DCC: variants seen among roughly 807,000 people sequenced by gnomAD.
DCC encodes the protein DCC netrin 1 receptor.
In DCC, 58 loss-of-function variants were observed where a neutral mutation model predicts 172.5. The ratio of observed to expected loss-of-function variants is 0.34; its 90% CI spans 0.27 to 0.42. The LOEUF (loss-of-function observed/expected upper bound fraction) is 0.42, where lower values mean the gene tolerates loss of function less well. Among genes scored for constraint, DCC ranks in the 10% least tolerant of loss-of-function variants. The pLI, the probability that DCC is intolerant of heterozygous loss-of-function variation, is 1.00. For synonymous variants in DCC, 709 were observed against 644.5 expected (o/e 1.10, Z -1.52); for missense variants, 1,740 against 1,791.0 (o/e 0.97, Z 0.51).
intron 3 of DCC, among the ~76,000 whole-genome samples, chr18:52,911,078 ACTAAT>A (rs1316985246): frequency 6.6e-6 from 1 of 152,130 alleles, no homozygotes; most frequent in Non-Finnish European, 1.5e-5. Context: ...ACATTTCAAA[ACTAAT>A]CTATTTTCTA....
intron 1 of DCC, among the ~76,000 whole-genome samples, chr18:52,628,215 G>C (rs1038121727): frequency 6.6e-6 from 1 of 152,056 alleles, no homozygotes; most frequent in Non-Finnish European, 1.5e-5. Context: ...TCAAAGAGCA[G>C]AATCTTCAAA....
At chr18:52,745,179 C>T (rs539465988) in intron 1 of DCC, among the ~76,000 whole-genome samples, 4 of 152,240 alleles carry the variant, frequency 2.6e-5, no homozygotes, top group South Asian at 4.1e-4. Context: ...ATTAATAAAA[C>T]GTGTTGAAAT....
At chr18:52,529,109 CT>C (rs2032070783) in intron 1 of DCC, among the ~76,000 whole-genome samples, 2 of 152,140 alleles carry the variant, frequency 1.3e-5, no homozygotes, top group South Asian at 4.2e-4. Context: ...ATCTTTGTAC[CT>C]AGTTTTCTAA....
rs1299868904 is a variant in DCC, at chr18:53,534,516, A to G, written c.*3863A>G. The G allele has an allele frequency of 6.6e-6, 1 of 152,192 alleles. No individual in the cohort carries two copies. The highest frequency in any genetic ancestry group is 1.5e-5 in the Non-Finnish European group (1 of 68,022). The allele number at this position is 152,192 out of a possible 1,614,324, so 9.4% of individuals were successfully genotyped here. On this transcript the variant is annotated 3_prime_UTR_variant, in exon 29 of 29. Coordinates refer to ENST00000442544, the MANE Select transcript of DCC (RefSeq NM_005215.4). ...CTCTGTTTTTGTAAATCACATTCAAAGCAACATTTTACTCATAATTTGCAT... is the reference window on the plus strand; with the variant it reads ...CTCTGTTTTTGTAAATCACATTCAAGGCAACATTTTACTCATAATTTGCAT...
intron 7 of DCC, among the ~76,000 whole-genome samples, chr18:53,096,619 A>G (rs2043091617): frequency 6.6e-6 from 1 of 152,112 alleles, no homozygotes; most frequent in Admixed American, 6.6e-5. Flanking sequence ...ATCAAAATAA[A>G]TATAATGGAG....
In DCC at chr18:52,950,929, C is replaced by CAAAAAAAAAAAAA. The variant is rs755118442; in HGVS notation, c.985+25589_985+25601dup. Among the ~76,000 whole-genome samples the CAAAAAAAAAAAAA allele has an allele frequency of 8.2e-4, 47 of 57,422 alleles. 5 individuals are homozygous for CAAAAAAAAAAAAA. Among genetic ancestry groups the CAAAAAAAAAAAAA allele is most frequent in the Admixed American group, 1.8e-3 (6 of 3,312 alleles). The allele number at this position is 57,422 out of a possible 152,430, so 37.7% of individuals were successfully genotyped here. On this transcript the variant is annotated intron_variant, in intron 5 of 28. Coordinates refer to ENST00000442544, the MANE Select transcript of DCC (RefSeq NM_005215.4). ...TGGGCGACAGAGTGAGACTCCGTCT[C>CAAAAAAAAAAAAA]AAAAAAAAAAAAAAAAAAAAAAAAA... is the stretch of plus-strand genomic sequence containing the variant.
intron 3 of DCC, among the ~76,000 whole-genome samples, chr18:52,907,780 A>G (rs979241136): frequency 6.6e-6 from 1 of 152,158 alleles, no homozygotes; most frequent in Non-Finnish European, 1.5e-5. Flanking sequence ...TGTGCTAAGT[A>G]CTAGGAATCC....
At chr18:52,407,547 C>G in intron 1 of DCC, among the ~76,000 whole-genome samples, 1 of 151,796 alleles carries the variant, frequency 6.6e-6, no homozygotes, top group Non-Finnish European at 1.5e-5. Flanking sequence ...TAAAATTATT[C>G]TTTAATTGTT....
intron 5 of DCC, among the ~76,000 whole-genome samples, chr18:52,953,028 A>C (rs34661612): frequency 5.1e-4 from 73 of 143,842 alleles, no homozygotes; most frequent in African/African-American, 1.8e-3. Flanking sequence ...AAAAAAAAAA[A>C]CTCATAACAT....
intron 1 of DCC, among the ~76,000 whole-genome samples, chr18:52,671,110 A>G (rs548965549): frequency 6.6e-6 from 1 of 152,224 alleles, no homozygotes; most frequent in Non-Finnish European, 1.5e-5. Context: ...CCTGCTGGGG[A>G]GGCTTAACAT....
intron 12 of DCC, among the ~76,000 whole-genome samples, chr18:53,231,558 G>A (rs1401427473): frequency 6.6e-6 from 1 of 152,072 alleles, no homozygotes; most frequent in Non-Finnish European, 1.5e-5. Flanking sequence ...TAATGAGTTT[G>A]AGGAGGCTGT....
At chr18:52,980,686 A>G (rs1889647669) in intron 5 of DCC, among the ~76,000 whole-genome samples, 1 of 152,208 alleles carries the variant, frequency 6.6e-6, no homozygotes, top group African/African-American at 2.4e-5. Flanking sequence ...ATGAAAACTT[A>G]TATTTTCTTA....
chr18:52,540,948 C>G (rs1230083485), intron 1 of DCC, among the ~76,000 whole-genome samples: 1 of 152,010 alleles, frequency 6.6e-6, no homozygotes, highest in Non-Finnish European at 1.5e-5. Flanking sequence ...TCTGGGGCCT[C>G]AAACATGAGG....
chr18:52,342,385 G>A (rs1274693608), intron 1 of DCC, among the ~76,000 whole-genome samples: 1 of 141,662 alleles, frequency 7.1e-6, no homozygotes, highest in Non-Finnish European at 1.5e-5. Flanking sequence ...GTCCCTCCCG[G>A]GCCGGTCCCC....
intron 5 of DCC, among the ~76,000 whole-genome samples, chr18:52,957,480 A>G (rs148586801): frequency 0.014 from 2,061 of 152,272 alleles, 62 homozygotes; most frequent in African/African-American, 0.048. Context: ...GAGTGTTTTT[A>G]ACAAGTATTT....
intron 12 of DCC, among the ~76,000 whole-genome samples, chr18:53,248,449 C>T (rs2056390952): frequency 6.6e-6 from 1 of 152,046 alleles, no homozygotes. Context: ...CTTTCACTCT[C>T]TCCCACTGGA....
chr18:53,307,885 A>ATG (rs1458142538), intron 13 of DCC, among the ~76,000 whole-genome samples: 13 of 76,068 alleles, frequency 1.7e-4, no homozygotes, highest in Admixed American at 9.0e-4. Flanking sequence ...CTGGAAAGCA[A>ATG]TGTGTGTGTA....
chr18:53,343,167 G>A (rs908222717), intron 15 of DCC, among the ~76,000 whole-genome samples: 1 of 151,536 alleles, frequency 6.6e-6, no homozygotes, highest in Non-Finnish European at 1.5e-5. Flanking sequence ...ATTTCTTTCT[G>A]TTGCCTTATT....
chr18:53,264,476 C>CAAAA (rs935972832), intron 12 of DCC, among the ~76,000 whole-genome samples: 77 of 46,242 alleles, frequency 1.7e-3, no homozygotes, highest in African/African-American at 4.8e-3. Flanking sequence ...AACTCCGTCT[C>CAAAA]AAAAAAAAAA....
Sources: gnomAD v4.1 joint callset for allele counts (sites outside exome capture counted in the v4.1 genomes callset) on GRCh38, gnomAD v4.1.1 for gene constraint, MANE v1.5 for transcripts, NCBI Gene and HGNC (gene_info 2026-07-23, HGNC 2026-07-21) for gene names.